Variants in USH2A observed in about 807,000 individuals in gnomAD.
The protein encoded by USH2A is usherin.
USH2A carries 443 observed loss-of-function variants against 538.9 expected under a neutral mutation model. That is an observed-to-expected ratio of 0.82 (90% CI 0.76 to 0.89). The LOEUF is 0.89. USH2A is among the 40% of genes least tolerant of loss of function. The probability of loss-of-function intolerance (pLI) is 0.00; values close to 1 mark genes in which losing one functional copy is unlikely to be tolerated. For synonymous variants in USH2A, 2,413 were observed against 2,273.5 expected, an observed-to-expected ratio of 1.06 and a Z score of -1.75; for missense variants, 6,633 against 6,324.8, an observed-to-expected ratio of 1.05 and a Z score of -1.65.
intron 42 of USH2A, 43 bp from the exon 43 acceptor site, chr1:215,877,923 C>T (rs1447907933): frequency 2.5e-6 from 4 of 1,612,224 alleles, no homozygotes; most frequent in South Asian, 1.1e-5. Context: ...TATCTCAACT[C>T]ATATTGAGAT....
intron 4 of USH2A, among the ~76,000 whole-genome samples, chr1:216,329,672 C>T (rs2037815901): frequency 6.6e-6 from 1 of 152,020 alleles, no homozygotes; most frequent in African/African-American, 2.4e-5. Flanking sequence ...TCTCTCAGCC[C>T]TAAGGTTCCC....
intron 30 of USH2A, among the ~76,000 whole-genome samples, chr1:216,049,113 C>T (rs1236220185): frequency 6.6e-6 from 1 of 152,226 alleles, no homozygotes; most frequent in Non-Finnish European, 1.5e-5. Flanking sequence ...AAAAATGCTA[C>T]TCCCAAGAGT....
At chr1:215,922,403 T>G (rs1666123354) in intron 38 of USH2A, among the ~76,000 whole-genome samples, 3 of 152,126 alleles carry the variant, frequency 2.0e-5, no homozygotes, top group Admixed American at 2.0e-4. Context: ...CACGATGGCT[T>G]TCTTACATTG....
chr1:216,018,392 G>A (rs1461480311), intron 32 of USH2A, among the ~76,000 whole-genome samples: 1 of 152,182 alleles, frequency 6.6e-6, no homozygotes, highest in African/African-American at 2.4e-5. Flanking sequence ...AAAGACAGCT[G>A]TACTGTAGGA....
intron 62 of USH2A, among the ~76,000 whole-genome samples, chr1:215,676,506 G>T (rs1392938309): frequency 6.6e-6 from 1 of 152,138 alleles, no homozygotes; most frequent in Non-Finnish European, 1.5e-5. Flanking sequence ...GAGGGGACAG[G>T]ACACATTTTA....
intron 49 of USH2A, among the ~76,000 whole-genome samples, chr1:215,806,552 A>C (rs879212892): frequency 6.6e-6 from 1 of 152,098 alleles, no homozygotes; most frequent in Admixed American, 6.6e-5. Flanking sequence ...CTGGCTATGC[A>C]TTTCTTGAAA....
Position 216,418,676 on chromosome 1 carries a change from A to T in USH2A, c.489T>A (p.Cys163Ter). 6.2e-7 allele frequency: 1 copy of T among 1,612,892 alleles called. No individual in the cohort carries two copies. The highest frequency in any genetic ancestry group is 1.3e-5 in the African/African-American group (1 of 74,940). Reference protein sequence around the residue: ...WLKPEQQGVMCVIEKTVDGQI... With the variant: ...WLKPEQQGVM ...GCCCATCTACTGTCTTTTCTATAAC[A>T]CACCTTAGGAAGCAACCGGAAAAGA... is the stretch of plus-strand genomic sequence containing the variant. Residue 163 changes from cysteine to a stop codon, truncating the protein, a stop_gained, in exon 3 of 72, where the codon TGT (cysteine) becomes TGA (stop). Transcript: ENST00000307340. LOFTEE classifies it high-confidence loss of function.
intron 61 of USH2A, among the ~76,000 whole-genome samples, chr1:215,687,144 A>G (rs962050231): frequency 5.3e-5 from 8 of 152,080 alleles, no homozygotes; most frequent in Non-Finnish European, 1.2e-4. Context: ...AATGAGGCCA[A>G]CTCAAATGTA....
chr1:216,131,609 C>G (rs1327491172), intron 21 of USH2A, among the ~76,000 whole-genome samples: 1 of 151,976 alleles, frequency 6.6e-6, no homozygotes, highest in Non-Finnish European at 1.5e-5. Context: ...CAGTAAAGGG[C>G]CAGTATGTTA....
chr1:216,146,568 G>A (rs530233395), intron 21 of USH2A, among the ~76,000 whole-genome samples: 7 of 152,128 alleles, frequency 4.6e-5, no homozygotes, highest in East Asian at 3.9e-4. Flanking sequence ...CACCCTTAGC[G>A]GCAAGTCCCG....
chr1:215,919,474 G>A (rs1182177791), intron 38 of USH2A, among the ~76,000 whole-genome samples: 5 of 151,986 alleles, frequency 3.3e-5, no homozygotes, highest in African/African-American at 1.2e-4. Flanking sequence ...TAGTAGGAGG[G>A]GGGAAATTAA....
chr1:215,750,867 A>T (rs547945954), intron 58 of USH2A, among the ~76,000 whole-genome samples: 1 of 152,182 alleles, frequency 6.6e-6, no homozygotes, highest in African/African-American at 2.4e-5. Context: ...TATTATGAAC[A>T]CTAAATGAGA....
intron 32 of USH2A, among the ~76,000 whole-genome samples, chr1:216,031,600 C>G (rs997376376): frequency 6.6e-5 from 10 of 152,154 alleles, no homozygotes; most frequent in Admixed American, 5.9e-4. Context: ...TACACAGACT[C>G]AGTCTTCGCT....
chr1:215,894,489 G>T (rs1558148997), intron 40 of USH2A, among the ~76,000 whole-genome samples: 1 of 151,890 alleles, frequency 6.6e-6, no homozygotes, highest in Non-Finnish European at 1.5e-5. Flanking sequence ...CTGTTACACG[G>T]TCTCAGAGTA....
rs140899702 is a variant in USH2A at position 215,998,786 on chromosome 1, CT to C, written c.6657+100del. 152,275 of 913,134 alleles carry C rather than the reference CT, an allele frequency of 0.17. 405 individuals are homozygous for C. Among genetic ancestry groups the C allele is most frequent in the South Asian group, 0.22 (11,405 of 50,736 alleles). 56.6% of individuals were successfully genotyped at this position (913,134 alleles called of 1,614,324 possible). ...AAACAGCAATACATGAAGATTTTGA[CT>C]TTTTTTTTTTTAAGTGAGAGAGAAA... On this transcript the variant is annotated intron_variant, in intron 34 of 71. Transcript: ENST00000307340.
chr1:215,902,402 T>C (rs1331054614), intron 38 of USH2A, among the ~76,000 whole-genome samples: 3 of 152,178 alleles, frequency 2.0e-5, no homozygotes, highest in Non-Finnish European at 4.4e-5. Flanking sequence ...TTCATTCATT[T>C]GTTCAATAAA....
At chr1:216,260,296 G>A (rs903715238) in intron 11 of USH2A, among the ~76,000 whole-genome samples, 1 of 152,146 alleles carries the variant, frequency 6.6e-6, no homozygotes, top group Non-Finnish European at 1.5e-5. Context: ...TTGAGTGCTA[G>A]CTGAATTGGA....
At chr1:215,835,618 C>T (rs974645666) in intron 47 of USH2A, among the ~76,000 whole-genome samples, 1 of 152,046 alleles carries the variant, frequency 6.6e-6, no homozygotes, top group African/African-American at 2.4e-5. Context: ...CCTGGGATTC[C>T]AAACACTTAT....
intron 11 of USH2A, among the ~76,000 whole-genome samples, chr1:216,282,450 C>T (rs1362887695): frequency 6.6e-6 from 1 of 152,168 alleles, no homozygotes; most frequent in African/African-American, 2.4e-5. Flanking sequence ...CATATAAAAA[C>T]ACAATTGTCC....
Sources: allele counts gnomAD v4.1 joint callset (sites outside exome capture counted in the v4.1 genomes callset), GRCh38; gene constraint gnomAD v4.1.1; transcripts MANE v1.5; gene names NCBI Gene and HGNC (gene_info 2026-07-23, HGNC 2026-07-21).